Variants in KLHDC4 observed in about 807,000 individuals in gnomAD.
The protein encoded by KLHDC4 is kelch domain-containing protein 4.
A neutral mutation model predicts 62.4 loss-of-function variants in KLHDC4; 90 were observed. That is an observed-to-expected ratio of 1.44 (90% confidence interval 1.22 to 1.72). The LOEUF is 1.72. Ranked by LOEUF, KLHDC4 falls within the 40% of genes most tolerant of loss-of-function variation. KLHDC4 has a pLI of 0.00. For synonymous variants in KLHDC4, 386 were observed against 284.4 expected (o/e 1.36, Z -3.59); for missense variants, 1,025 against 699.7 (o/e 1.47, Z -5.25).
intron 3 of KLHDC4, chr16:87,755,564 G>C (rs2044744419): frequency 3.8e-6 from 1 of 261,622 alleles, no homozygotes; most frequent in East Asian, 9.5e-5. Flanking sequence ...TTCCAGCCTA[G>C]TTTTTTTGTT....
intron 7 of KLHDC4, among the ~76,000 whole-genome samples, chr16:87,720,498 CCCT>C (rs1313424813): frequency 2.0e-5 from 3 of 152,218 alleles, no homozygotes; most frequent in Admixed American, 1.3e-4. Flanking sequence ...ACGCACCGTG[CCCT>C]CCTCACCACA....
chr16:87,753,997 G>A (rs1003833726), intron 4 of KLHDC4, among the ~76,000 whole-genome samples: 29 of 145,630 alleles, frequency 2.0e-4, no homozygotes, highest in African/African-American at 7.2e-4. Flanking sequence ...AAAAGTAGCC[G>A]GACGTGGTGG....
chr16:87,702,551 G>A, exon 1 of KLHDC4: 1 of 353,200 alleles, frequency 2.8e-6, no homozygotes, highest in Non-Finnish European at 5.6e-6. Flanking sequence ...CCCCCTCCTG[G>A]ACGCTGAGCT....
At chr16:87,749,635 G>C (rs2043604661) in intron 4 of KLHDC4, among the ~76,000 whole-genome samples, 1 of 151,926 alleles carries the variant, frequency 6.6e-6, no homozygotes, top group South Asian at 2.1e-4. Flanking sequence ...CCAGACTGGA[G>C]TGCGGTGGCG....
chr16:87,765,579 G>A (rs1416370886), intron 1 of KLHDC4, among the ~76,000 whole-genome samples: 4 of 152,146 alleles, frequency 2.6e-5, no homozygotes, highest in East Asian at 1.9e-4. Flanking sequence ...GGGCAGCTCC[G>A]AGAAGCGGAC....
At chr16:87,735,656 C>G (rs147364391) in intron 5 of KLHDC4, among the ~76,000 whole-genome samples, 1 of 152,272 alleles carries the variant, frequency 6.6e-6, no homozygotes, top group Non-Finnish European at 1.5e-5. Flanking sequence ...AATAAAGCTA[C>G]TTTAAAAAGC....
At chr16:87,730,498 A>C (rs1229833365) in intron 6 of KLHDC4, 54 bp downstream of exon 6, 25 of 1,380,282 alleles carry the variant, frequency 1.8e-5, no homozygotes, top group Admixed American at 4.5e-5. Context: ...TTCTATAAAA[A>C]GCCCACTCCT....
chr16:87,709,668 C>G lies in KLHDC4; in HGVS notation c.1045-1G>C. On this transcript the variant is annotated splice_acceptor_variant, in intron 9 of 11. Coordinates refer to ENST00000270583, the MANE Select transcript of KLHDC4 (RefSeq NM_017566.4). LOFTEE classifies it high-confidence loss of function. ...GTTTCTTCTTTTCAGACTTGGGTCC[C>G]TATTAATAGACCGAGGAAGCAGAGA... The G allele has an allele frequency of 1.9e-6, 3 of 1,587,082 alleles. No homozygotes were observed. Among genetic ancestry groups the G allele is most frequent in the East Asian group, 2.3e-5 (1 of 44,238 alleles).
downstream of KLHDC4, among the ~76,000 whole-genome samples, chr16:87,704,367 CGCCTGGGG>C: frequency 1.8e-5 from 2 of 112,228 alleles, no homozygotes; most frequent in Non-Finnish European, 3.5e-5. Context: ...GGGAAGGAGG[CGCCTGGGG>C]AGGGTCCTGA....
intron 5 of KLHDC4, chr16:87,747,622 G>C (rs565657544): frequency 6.6e-6 from 1 of 152,362 alleles, no homozygotes; most frequent in South Asian, 2.1e-4. Context: ...TCCTCCAGCA[G>C]GTGGGCCCAG....
Position 87,714,569 on chromosome 16 carries a change from ACT to A in KLHDC4, c.762_763del (p.Arg254SerfsTer2), listed in dbSNP as rs1368537347. The A allele has an allele frequency of 5.0e-6, 8 of 1,613,870 alleles. No homozygotes were observed. Among genetic ancestry groups the A allele is most frequent in the East Asian group, 4.5e-5 (2 of 44,868 alleles). On this transcript the variant is annotated frameshift_variant and splice_region_variant, in exon 8 of 12. Coordinates refer to ENST00000270583, the MANE Select transcript of KLHDC4 (RefSeq NM_017566.4). LOFTEE classifies it high-confidence loss of function. ...TGTGCCCTTGTCCACGTCTTTCTTA[ACT>A]CTCTGCAATGGAAAGGAATTGTGTG...
rs150534690 is a variant in KLHDC4 at position 87,761,919 on chromosome 16, C to T, written c.191+30G>A. 8.5e-5 allele frequency: 137 copies of T among 1,604,510 alleles called. 1 individual carries two copies. In the East Asian group the frequency reaches 1.1e-3, roughly 13 times the overall value. ...TTTCAATGTATAGAAGAAAAGGAAA[C>T]ATACAATATGAAAAATGCTACTTGC... On this transcript the variant is annotated intron_variant, in intron 2 of 11. Transcript: ENST00000270583.
rs563308559 is a variant in KLHDC4, at chr16:87,728,470, T to C, written c.600-1546A>G. Among the ~76,000 whole-genome samples, 69 of 150,346 alleles carry C rather than the reference T, an allele frequency of 4.6e-4. 3 individuals are homozygous for C. The South Asian group carries it at 0.014, about 30-fold the overall frequency. ...AACTCCCAAGTTGGTATTTGAATAA[T>C]TTTAAACAAGATAACAACAGCTTTG... On this transcript the variant is annotated intron_variant, in intron 6 of 11. Coordinates refer to ENST00000270583, the MANE Select transcript of KLHDC4 (RefSeq NM_017566.4).
intron 2 of KLHDC4, among the ~76,000 whole-genome samples, chr16:87,759,120 C>T (rs1481615483): frequency 1.3e-5 from 2 of 151,902 alleles, no homozygotes; most frequent in East Asian, 1.9e-4. Context: ...TGCGGTGAGC[C>T]GATATCATAC....
exon 1 of KLHDC4, chr16:87,700,325 G>C (rs1399311215): frequency 6.5e-6 from 1 of 154,884 alleles, no homozygotes; most frequent in South Asian, 2.0e-4. Flanking sequence ...GACTGTTTCT[G>C]CCTTCAGCCG....
In KLHDC4 at chr16:87,709,760, G is replaced by A; in HGVS notation, c.1045-93C>T. The A allele has an allele frequency of 4.3e-6, 6 of 1,390,154 alleles. No individual in the cohort carries two copies. The African/African-American group carries it at 8.7e-5, about 20-fold the overall frequency. 86.1% of individuals were successfully genotyped at this position (1,390,154 alleles called of 1,614,324 possible). On this transcript the variant is annotated intron_variant, in intron 9 of 11. Transcript: ENST00000270583. ...ACAAGGCCAGGCAAGGGTTTGCGGG[G>A]ACCACCCACAAGCGTGGGGAGTGTG...
At chr16:87,739,543 C>T (rs1169751308) in intron 5 of KLHDC4, among the ~76,000 whole-genome samples, 2 of 151,222 alleles carry the variant, frequency 1.3e-5, no homozygotes, top group East Asian at 2.0e-4. Context: ...TCCATCCACA[C>T]ACCAGCACCT....
At position 87,726,747 on chromosome 16, in the gene KLHDC4, C is replaced by T; in HGVS notation, c.759+18G>A. 6 of 1,441,864 alleles carry T rather than the reference C, an allele frequency of 4.2e-6. No individual in the cohort carries two copies. Among genetic ancestry groups the T allele is most frequent in the Admixed American group, 2.4e-5 (1 of 41,562 alleles). The allele number at this position is 1,441,864 out of a possible 1,614,324, so 89.3% of individuals were successfully genotyped here. A position where few individuals can be genotyped will look rare whatever the true frequency, so the allele number is the denominator to read the frequency against. ...TCCCGGTCCCACGCCTTGCCTGTTT[C>T]CCCACCCCCCGCCTTACCTGTTTCG... On this transcript the variant is annotated intron_variant, in intron 7 of 11. Coordinates refer to ENST00000270583, the MANE Select transcript of KLHDC4 (RefSeq NM_017566.4).
Position 87,744,153 on chromosome 16 carries a change from T to C in KLHDC4, c.506+4520A>G, listed in dbSNP as rs2042668187. Reference sequence around the variant, plus strand: ...AATTAAGGCTGGGTACAGTGGCTCATGCCTGTAATCCCAGCACTTTGTGAG... The same window carrying C: ...AATTAAGGCTGGGTACAGTGGCTCACGCCTGTAATCCCAGCACTTTGTGAG... On this transcript the variant is annotated intron_variant, in intron 5 of 11. Coordinates refer to ENST00000270583, the MANE Select transcript of KLHDC4 (RefSeq NM_017566.4). Among the ~76,000 whole-genome samples, 5 of 152,148 alleles carry C rather than the reference T, an allele frequency of 3.3e-5. No individual in the cohort carries two copies. The South Asian group carries it at 1.0e-3, about 32-fold the overall frequency.
Sources: allele counts gnomAD v4.1 joint callset (sites outside exome capture counted in the v4.1 genomes callset), GRCh38; gene constraint gnomAD v4.1.1; transcripts MANE v1.5; gene names NCBI Gene and HGNC (gene_info 2026-07-23, HGNC 2026-07-21).